Variants in RSPH14 observed in about 807,000 individuals in gnomAD.
RSPH14 encodes rhabdoid tumor deletion region gene 1.
A neutral mutation model predicts 26.7 loss-of-function variants in RSPH14; 20 were observed. The ratio of observed to expected loss-of-function variants is 0.75; its 90% confidence interval spans 0.53 to 1.09. The LOEUF (loss-of-function observed/expected upper bound fraction) is 1.09. RSPH14 is among the 50% of genes least tolerant of loss of function. RSPH14 has a pLI of 0.00. For missense variants in RSPH14, 449 were observed against 457.2 expected, an observed-to-expected ratio of 0.98 and a Z score of 0.16; for synonymous variants, 177 against 189.3, an observed-to-expected ratio of 0.93 and a Z score of 0.53.
upstream of RSPH14, among the ~76,000 whole-genome samples, chr22:23,142,892 C>T (rs2070626124): frequency 2.0e-5 from 3 of 152,218 alleles, no homozygotes; most frequent in South Asian, 6.2e-4. Context: ...TGGGTGATGG[C>T]CTCCTCCAGC....
chr22:23,072,551 CTGTT>C (rs938154330), intron 4 of RSPH14, among the ~76,000 whole-genome samples: 2 of 152,206 alleles, frequency 1.3e-5, no homozygotes, highest in Non-Finnish European at 1.5e-5. Flanking sequence ...TCTGAAGGGG[CTGTT>C]TGTTACTCAT....
At position 23,079,285 on chromosome 22, in the gene RSPH14, C is replaced by T. The variant is rs907813279; in HGVS notation, c.422-15152G>A. ...ATCGTAAATAGGATGGGCAGGGAGGCCTCCTAAGGAAGGGACATCTGAGCC... is the reference window on the plus strand; with the variant it reads ...ATCGTAAATAGGATGGGCAGGGAGGTCTCCTAAGGAAGGGACATCTGAGCC... On this transcript the variant is annotated intron_variant, in intron 4 of 6. Coordinates refer to ENST00000216036, the MANE Select transcript of RSPH14 (RefSeq NM_014433.3). Among the ~76,000 whole-genome samples the T allele has an allele frequency of 3.3e-5, 5 of 152,318 alleles. No individual in the cohort carries two copies. The South Asian group carries it at 1.0e-3, about 32-fold the overall frequency.
chr22:23,115,086 G>A (rs2069784826), intron 4 of RSPH14, among the ~76,000 whole-genome samples: 1 of 152,186 alleles, frequency 6.6e-6, no homozygotes, highest in South Asian at 2.1e-4. Context: ...GCCTTGCTCT[G>A]TGCTGTGGCC....
rs767426235 is a variant in RSPH14 at position 23,095,944 on chromosome 22, C to G, written c.422-31811G>C. ...ACAATGCCATCGACTCGCTGACCCG[C>G]ATCATCCGGGCCCTGGCCGCCCTCA... is the stretch of plus-strand genomic sequence containing the variant. On this transcript the variant is annotated intron_variant, in intron 4 of 6. Coordinates refer to ENST00000216036, the MANE Select transcript of RSPH14 (RefSeq NM_014433.3). The G allele has an allele frequency of 3.7e-6, 6 of 1,612,892 alleles. No individual in the cohort carries two copies. In the South Asian group the frequency reaches 6.6e-5, roughly 18 times the overall value.
chr22:23,113,194 T>C (rs1263406202), intron 4 of RSPH14, among the ~76,000 whole-genome samples: 1 of 152,202 alleles, frequency 6.6e-6, no homozygotes, highest in African/African-American at 2.4e-5. Context: ...TGTTCTGACG[T>C]TGGCTAAACT....
At chr22:23,112,422 A>C (rs1018964029) in intron 4 of RSPH14, among the ~76,000 whole-genome samples, 2 of 152,174 alleles carry the variant, frequency 1.3e-5, no homozygotes, top group African/African-American at 4.8e-5. Flanking sequence ...TCCACCAGGT[A>C]CATGGTTGAA....
intron 6 of RSPH14, among the ~76,000 whole-genome samples, chr22:23,059,986 C>T (rs1368446801): frequency 6.6e-6 from 1 of 152,190 alleles, no homozygotes; most frequent in African/African-American, 2.4e-5. Context: ...TCAAGACCAG[C>T]CTGGGCAACA....
the RSPH14 span, among the ~76,000 whole-genome samples, chr22:23,177,217 A>C: frequency 6.6e-6 from 1 of 152,164 alleles, no homozygotes; most frequent in African/African-American, 2.4e-5. Flanking sequence ...CCTTGTCCTT[A>C]GGACCAGCTC....
At chr22:23,096,027 C>T (rs1400331956) in intron 4 of RSPH14, 2 of 1,607,026 alleles carry the variant, frequency 1.2e-6, no homozygotes, top group Admixed American at 1.7e-5. Context: ...TTTGCGCTGA[C>T]GGGCCCCGCT....
At chr22:23,168,499 CA>C in the RSPH14 span, among the ~76,000 whole-genome samples, 5 of 106,148 alleles carry the variant, frequency 4.7e-5, no homozygotes, top group Non-Finnish European at 1.0e-4. Flanking sequence ...CTCCCCGCCA[CA>C]CACACACACA....
At chr22:23,178,183 A>G in the RSPH14 span, among the ~76,000 whole-genome samples, 3 of 152,194 alleles carry the variant, frequency 2.0e-5, no homozygotes, top group African/African-American at 7.2e-5. Flanking sequence ...ACAGGAGGCC[A>G]AGGCGGGCAG....
intron 3 of RSPH14, chr22:23,137,705 G>A: frequency 2.7e-6 from 1 of 367,806 alleles, no homozygotes. Context: ...TGCACACTGG[G>A]CAGTGGCCCC....
intron 4 of RSPH14, among the ~76,000 whole-genome samples, chr22:23,079,798 G>A (rs1272259479): frequency 6.6e-6 from 1 of 152,154 alleles, no homozygotes; most frequent in Non-Finnish European, 1.5e-5. Context: ...GCTGGGTCCA[G>A]CCACAACCTG....
intron 4 of RSPH14, chr22:23,123,043 G>C (rs372724302): frequency 2.5e-4 from 333 of 1,329,156 alleles, no homozygotes; most frequent in Middle Eastern, 5.5e-4. Context: ...GTCTGTCTCT[G>C]CCTGCTGCGG....
the RSPH14 span, among the ~76,000 whole-genome samples, chr22:23,177,447 A>G: frequency 6.6e-6 from 1 of 152,208 alleles, no homozygotes; most frequent in African/African-American, 2.4e-5. Context: ...TATATGAGAG[A>G]CATAGGGGAA....
intron 4 of RSPH14, among the ~76,000 whole-genome samples, chr22:23,083,419 G>A (rs996704331): frequency 1.3e-5 from 2 of 152,258 alleles, no homozygotes; most frequent in East Asian, 3.9e-4. Flanking sequence ...TGCTGGGAAA[G>A]GTCATTTTAG....
intron 4 of RSPH14, among the ~76,000 whole-genome samples, chr22:23,130,489 G>A (rs373971512): frequency 0.13 from 469 of 3,718 alleles, 13 homozygotes; most frequent in African/African-American, 0.33. Context: ...AAAGAAAGAA[G>A]GAAAGAAAAA....
At chr22:23,126,376 TCTC>T (rs1352539483) in intron 4 of RSPH14, among the ~76,000 whole-genome samples, 1 of 152,188 alleles carries the variant, frequency 6.6e-6, no homozygotes, top group Admixed American at 6.5e-5. Context: ...CTGCACTGGT[TCTC>T]CTCCTGAGCC....
At chr22:23,089,343 C>T (rs1396879302) in intron 4 of RSPH14, among the ~76,000 whole-genome samples, 2 of 152,238 alleles carry the variant, frequency 1.3e-5, no homozygotes, top group Non-Finnish European at 2.9e-5. Context: ...GCTTTGGGGA[C>T]AGCCTGGAGG....
Sources: gnomAD v4.1 joint callset for allele counts (sites outside exome capture counted in the v4.1 genomes callset) on GRCh38, gnomAD v4.1.1 for gene constraint, MANE v1.5 for transcripts, NCBI Gene and HGNC (gene_info 2026-07-23, HGNC 2026-07-21) for gene names.